NFATC3: variants seen among roughly 807,000 people sequenced by gnomAD.
NFATC3 encodes nuclear factor of activated T cells 3, also known as nuclear factor of activated T-cells, cytoplasmic 3.
NFATC3 carries 46 observed loss-of-function variants against 98.6 expected under a neutral mutation model. The observed-to-expected ratio is 0.47, with a 90% CI of 0.37 to 0.60. The LOEUF (loss-of-function observed/expected upper bound fraction) is 0.60, where lower values mean the gene tolerates loss of function less well. Ranked by LOEUF, NFATC3 falls within the 20% of genes least tolerant of loss-of-function variation. The pLI is 0.00. For synonymous variants in NFATC3, 512 were observed against 472.2 expected (o/e 1.08, Z -1.09); for missense variants, 1,256 against 1,295.5 (o/e 0.97, Z 0.47).
At chr16:68,134,705 GT>G (rs900987059) in intron 3 of NFATC3, among the ~76,000 whole-genome samples, 4 of 152,028 alleles carry the variant, frequency 2.6e-5, no homozygotes, top group Non-Finnish European at 4.4e-5. Flanking sequence ...TTGTTTTGGG[GT>G]TTTTTTGGGG....
Position 68,085,762 on chromosome 16 carries a change from G to A in NFATC3, c.81G>A (p.Pro27=). Residue 27 remains proline (P), a synonymous_variant, in exon 1 of 10, where the codon CCG becomes CCA. Transcript: ENST00000346183. ...GCGAGGACGGGGCGCCGGCGCCGCC[G>A]CCCCCGGGCTCGCGGCCTGCAGGTG... ...VFGEDGAPAP[P]PPGSRPADLE... 6.7e-7 allele frequency: 1 copy of A among 1,498,060 alleles called. No individual in the cohort carries two copies. The allele number at this position is 1,498,060 out of a possible 1,614,324, so 92.8% of individuals were successfully genotyped here.
At chr16:68,112,268 C>CTTTTTTTTTTTTTT (rs768228927) in intron 1 of NFATC3, among the ~76,000 whole-genome samples, 1 of 77,424 alleles carries the variant, frequency 1.3e-5, no homozygotes, top group African/African-American at 5.4e-5. Context: ...TAGGTTCAGT[C>CTTTTTTTTTTTTTT]TTTTTTTTTT....
intron 9 of NFATC3, chr16:68,192,333 A>AT (rs2040479166): frequency 8.4e-6 from 1 of 118,442 alleles, no homozygotes; most frequent in Non-Finnish European, 1.8e-5. Context: ...ATATATATAT[A>AT]GAGAGAGAGA....
At chr16:68,155,781 T>A (rs1598461233) in intron 3 of NFATC3, among the ~76,000 whole-genome samples, 1 of 152,194 alleles carries the variant, frequency 6.6e-6, no homozygotes, top group African/African-American at 2.4e-5. Flanking sequence ...AGACTTTTTT[T>A]ATACTAAATG....
intron 2 of NFATC3, among the ~76,000 whole-genome samples, chr16:68,125,836 AAAAT>A (rs2036807884): frequency 6.6e-6 from 1 of 152,178 alleles, no homozygotes; most frequent in African/African-American, 2.4e-5. Context: ...CTTTTTCAAA[AAAAT>A]ATGGGAAACC....
intron 4 of NFATC3, among the ~76,000 whole-genome samples, 170 bp downstream of exon 4, chr16:68,158,238 A>G (rs2038712706): frequency 6.6e-6 from 1 of 152,140 alleles, no homozygotes. Flanking sequence ...CAGAAGGAAA[A>G]TTCAATTCAG....
intron 1 of NFATC3, among the ~76,000 whole-genome samples, chr16:68,090,637 C>G (rs1403507624): frequency 6.6e-6 from 1 of 152,002 alleles, no homozygotes; most frequent in Non-Finnish European, 1.5e-5. Flanking sequence ...TTTCCACTTT[C>G]TTGAATTAAG....
At chr16:68,116,246 A>G (rs990539287) in intron 1 of NFATC3, among the ~76,000 whole-genome samples, 1 of 152,028 alleles carries the variant, frequency 6.6e-6, no homozygotes, top group Non-Finnish European at 1.5e-5. Flanking sequence ...GGCTATAGAA[A>G]GACAAACTAT....
intron 1 of NFATC3, among the ~76,000 whole-genome samples, chr16:68,108,239 G>A (rs1336566609): frequency 1.3e-5 from 2 of 152,046 alleles, no homozygotes; most frequent in East Asian, 1.9e-4. Context: ...AATCCATCTC[G>A]AGTTAATTTT....
intron 1 of NFATC3, among the ~76,000 whole-genome samples, chr16:68,119,101 T>C (rs1251438259): frequency 6.6e-6 from 1 of 152,132 alleles, no homozygotes; most frequent in Non-Finnish European, 1.5e-5. Context: ...TCTCCTGATC[T>C]CGTGATCCAC....
chr16:68,106,903 T>C (rs754448581), intron 1 of NFATC3, among the ~76,000 whole-genome samples: 10 of 152,092 alleles, frequency 6.6e-5, no homozygotes, highest in Non-Finnish European at 1.3e-4. Flanking sequence ...CCTGATGCTC[T>C]CCCTCTCTCG....
At chr16:68,158,570 G>C (rs369550894) in intron 4 of NFATC3, among the ~76,000 whole-genome samples, 6 of 152,002 alleles carry the variant, frequency 3.9e-5, no homozygotes, top group African/African-American at 1.5e-4. Context: ...GAACAGTTAG[G>C]GGTTTAGTGT....
chr16:68,085,703 G>T lies in NFATC3; in HGVS notation c.22G>T (p.Ala8Ser). The T allele has an allele frequency of 6.6e-7, 1 of 1,514,680 alleles. No homozygotes were observed. The allele number at this position is 1,514,680 out of a possible 1,614,324, so 93.8% of individuals were successfully genotyped here. A position where few individuals can be genotyped will look rare whatever the true frequency, so the allele number is the denominator to read the frequency against. Residue 8 changes from alanine (A) to serine (S), a missense_variant, in exon 1 of 10, where the codon GCC (alanine) becomes TCC (serine). Physicochemically the swap from Ala to Ser is moderately conservative, Grantham distance 99. Transcript: ENST00000346183. ...GCCGATGACTACTGCAAACTGTGGC[G>T]CCCACGACGAGCTCGACTTCAAACT... MTTANCG[A>S]HDELDFKLVF...
At chr16:68,203,320 A>G (rs996508084) in intron 9 of NFATC3, among the ~76,000 whole-genome samples, 4 of 152,138 alleles carry the variant, frequency 2.6e-5, no homozygotes, top group African/African-American at 7.2e-5. Context: ...CAAAAAATTT[A>G]TTTTAATCAA....
chr16:68,096,019 A>C (rs538958732), intron 1 of NFATC3, among the ~76,000 whole-genome samples: 1 of 152,202 alleles, frequency 6.6e-6, no homozygotes, highest in South Asian at 2.1e-4. Context: ...ACAGGGTCTC[A>C]CTTTGTTGCC....
At chr16:68,211,289 G>A (rs1049729943) in intron 9 of NFATC3, among the ~76,000 whole-genome samples, 1 of 152,046 alleles carries the variant, frequency 6.6e-6, no homozygotes, top group Non-Finnish European at 1.5e-5. Flanking sequence ...CCGGGTTCAC[G>A]CCATTCTCCT....
intron 9 of NFATC3, chr16:68,209,712 A>G: frequency 2.2e-6 from 1 of 464,922 alleles, no homozygotes; most frequent in African/African-American, 2.0e-5. Context: ...GGGAATGGTT[A>G]GGTCTCTGTA....
chr16:68,108,844 A>G (rs972248673), intron 1 of NFATC3, among the ~76,000 whole-genome samples: 2 of 152,098 alleles, frequency 1.3e-5, no homozygotes, highest in Admixed American at 1.3e-4. Context: ...GCAATTGTGA[A>G]TGGGAGTTCA....
intron 8 of NFATC3, among the ~76,000 whole-genome samples, chr16:68,189,601 T>A (rs1314246009): frequency 6.6e-6 from 1 of 152,212 alleles, no homozygotes; most frequent in Admixed American, 6.5e-5. Context: ...TGGAGAGTGT[T>A]GTCGTCTTAG....
Sources: gnomAD v4.1 joint callset for allele counts (sites outside exome capture counted in the v4.1 genomes callset) on GRCh38, gnomAD v4.1.1 for gene constraint, MANE v1.5 for transcripts, NCBI Gene and HGNC (gene_info 2026-07-23, HGNC 2026-07-21) for gene names.